Variants in GPHN observed in about 807,000 individuals in gnomAD.
GPHN encodes the protein gephyrin.
Under a neutral mutation model 95.5 loss-of-function variants are expected in GPHN, and 17 were observed. The observed-to-expected ratio is 0.18, with a 90% confidence interval of 0.12 to 0.27. GPHN has a LOEUF of 0.27. Ranked by LOEUF, GPHN falls within the 10% of genes least tolerant of loss-of-function variation. The pLI is 1.00. For missense variants in GPHN, 660 were observed against 978.1 expected (o/e 0.67, Z 4.34); for synonymous variants, 320 against 322.5 (o/e 0.99, Z 0.08).
the GPHN span, chr14:67,676,947 T>C: frequency 6.6e-6 from 1 of 152,224 alleles, no homozygotes; most frequent in African/African-American, 2.4e-5. Context: ...ATTATCAGAA[T>C]TTTTCTAATT....
chr14:67,383,595 G>A, the GPHN span: 1 of 1,104,918 alleles, frequency 9.1e-7, no homozygotes, highest in Non-Finnish European at 1.3e-6. Context: ...AACATGAAAT[G>A]CCCTCCTAAA....
the GPHN span, chr14:67,577,474 G>C: frequency 9.0e-7 from 1 of 1,110,362 alleles, no homozygotes; most frequent in South Asian, 1.3e-5. Flanking sequence ...GGGTGGAGAA[G>C]GCCTGTGCAG....
the GPHN span, among the ~76,000 whole-genome samples, chr14:67,348,077 T>TC: frequency 7.1e-6 from 1 of 141,436 alleles, no homozygotes; most frequent in East Asian, 2.0e-4. Context: ...GCCCAGCTAA[T>TC]TTTTTTTTTT....
chr14:67,292,003 G>T, the GPHN span, among the ~76,000 whole-genome samples: 1 of 152,174 alleles, frequency 6.6e-6, no homozygotes, highest in Admixed American at 6.5e-5. Context: ...GTAATGAAAT[G>T]CTTGTTTTTA....
chr14:67,615,454 CT>C, the GPHN span: 13 of 286,246 alleles, frequency 4.5e-5, no homozygotes, highest in Admixed American at 5.1e-4. Context: ...CTAGGCAACT[CT>C]GTGCCTCGCT....
chr14:67,116,690 C>A (rs1397027373), intron 16 of GPHN, among the ~76,000 whole-genome samples: 1 of 152,188 alleles, frequency 6.6e-6, no homozygotes, highest in Non-Finnish European at 1.5e-5. Flanking sequence ...CTTCACAGGA[C>A]AGGTTTTAAG....
chr14:66,533,606 CTT>C (rs962895801), intron 1 of GPHN, among the ~76,000 whole-genome samples: 2 of 152,138 alleles, frequency 1.3e-5, no homozygotes, highest in African/African-American at 4.8e-5. Context: ...GAATGAATAA[CTT>C]ATCCTTAGAA....
At chr14:66,725,439 A>G (rs2071139156) in intron 2 of GPHN, among the ~76,000 whole-genome samples, 1 of 152,152 alleles carries the variant, frequency 6.6e-6, no homozygotes, top group Non-Finnish European at 1.5e-5. Context: ...CTTGTAAATA[A>G]TGTTTTTCAA....
At chr14:67,509,991 CAGAG>C in the GPHN span, among the ~76,000 whole-genome samples, 1 of 151,092 alleles carries the variant, frequency 6.6e-6, no homozygotes, top group African/African-American at 2.4e-5. Flanking sequence ...GCCTGAGCAA[CAGAG>C]AGAGAACCCG....
intron 3 of GPHN, among the ~76,000 whole-genome samples, chr14:66,810,862 T>G (rs562749058): frequency 1.8e-4 from 28 of 152,304 alleles, no homozygotes; most frequent in East Asian, 7.7e-4. Context: ...AAAACTGGAA[T>G]GGGTACCCAA....
chr14:67,317,263 G>A, the GPHN span: 1 of 661,182 alleles, frequency 1.5e-6, no homozygotes, highest in Non-Finnish European at 2.5e-6. Context: ...AGGAGTTCAA[G>A]ACAAGCGTGG....
the GPHN span, among the ~76,000 whole-genome samples, chr14:67,238,975 G>GA: frequency 5.0e-4 from 76 of 151,932 alleles, no homozygotes; most frequent in African/African-American, 1.6e-3. Context: ...TTCTTTTCCT[G>GA]AAAAAAATGC....
chr14:66,998,496 T>C (rs1172983291), intron 9 of GPHN, among the ~76,000 whole-genome samples: 1 of 152,184 alleles, frequency 6.6e-6, no homozygotes, highest in African/African-American at 2.4e-5. Context: ...AATTAAAATT[T>C]CAAGGAATAT....
chr14:67,636,765 T>G, the GPHN span, among the ~76,000 whole-genome samples: 1 of 152,226 alleles, frequency 6.6e-6, no homozygotes, highest in Admixed American at 6.5e-5. Context: ...AACAAGGCTG[T>G]GCCAGTGTAT....
At chr14:66,668,181 G>A (rs1471073556) in intron 1 of GPHN, among the ~76,000 whole-genome samples, 1 of 152,190 alleles carries the variant, frequency 6.6e-6, no homozygotes, top group African/African-American at 2.4e-5. Flanking sequence ...TACACTCTTG[G>A]TAGGAGTGTA....
chr14:67,044,959 A>G (rs2074927196), intron 10 of GPHN, among the ~76,000 whole-genome samples: 1 of 152,100 alleles, frequency 6.6e-6, no homozygotes, highest in Non-Finnish European at 1.5e-5. Flanking sequence ...TTAACTTTAG[A>G]AACCCCAGAT....
chr14:66,621,760 A>T (rs1052944758), intron 1 of GPHN, among the ~76,000 whole-genome samples: 3 of 151,842 alleles, frequency 2.0e-5, no homozygotes, highest in African/African-American at 7.3e-5. Flanking sequence ...ATCTCCTTTG[A>T]CTCCATATCT....
At chr14:66,622,074 C>T (rs2063330049) in intron 1 of GPHN, among the ~76,000 whole-genome samples, 1 of 152,152 alleles carries the variant, frequency 6.6e-6, no homozygotes. Flanking sequence ...CCCACCCCTG[C>T]AGCAAACTTC....
chr14:67,637,057 G>T, the GPHN span, among the ~76,000 whole-genome samples: 1 of 152,128 alleles, frequency 6.6e-6, no homozygotes, highest in African/African-American at 2.4e-5. Context: ...TGAAAAATTA[G>T]TGAGACCGTT....
Sources: gnomAD v4.1 joint callset for allele counts (sites outside exome capture counted in the v4.1 genomes callset) on GRCh38, gnomAD v4.1.1 for gene constraint, MANE v1.5 for transcripts, NCBI Gene and HGNC (gene_info 2026-07-23, HGNC 2026-07-21) for gene names.